Variants in RDH12 observed in about 807,000 individuals in gnomAD.
RDH12 encodes the protein retinol dehydrogenase 12.
Under a neutral mutation model 34.0 loss-of-function variants are expected in RDH12, and 21 were observed. The observed-to-expected ratio is 0.62, with a 90% CI of 0.44 to 0.89. RDH12 has a LOEUF of 0.89. Ranked by LOEUF, RDH12 falls within the 40% of genes least tolerant of loss-of-function variation. The pLI is 0.00. For synonymous variants in RDH12, 198 were observed against 169.9 expected, an observed-to-expected ratio of 1.17 and a Z score of -1.29; for missense variants, 394 against 398.6, an observed-to-expected ratio of 0.99 and a Z score of 0.10.
At chr14:67,704,248 AAGG>A (rs1184170115) in intron 1 of RDH12, among the ~76,000 whole-genome samples, 2 of 152,178 alleles carry the variant, frequency 1.3e-5, no homozygotes, top group Non-Finnish European at 2.9e-5. Context: ...ACGGGGGTAG[AAGG>A]AGGAGGAGCA....
chr14:67,733,747 G>T lies in RDH12; in HGVS notation c.850G>T (p.Asp284Tyr), dbSNP rs2038315586. Residue 284 changes from aspartate (D) to tyrosine (Y), a missense_variant and splice_region_variant, in exon 9 of 9, where the codon GAC becomes TAC. Transcript: ENST00000551171. ...TTACTGTCTTTCTCTGCCCTCCAGT[G>T]ACTGCAAGAGGACCTGGGTGTCTCC... ...LEPLSGKYFS[D>Y]CKRTWVSPRA... is the part of the protein sequence containing the mutation. 6.2e-7 allele frequency: 1 copy of T among 1,609,640 alleles called. No individual in the cohort carries two copies. Among genetic ancestry groups the T allele is most frequent in the Non-Finnish European group, 8.5e-7 (1 of 1,176,298 alleles).
intron 8 of RDH12, among the ~76,000 whole-genome samples, chr14:67,730,992 G>T (rs1802366701): frequency 1.3e-5 from 2 of 152,158 alleles, no homozygotes; most frequent in South Asian, 2.1e-4. Context: ...TGAGATAAAA[G>T]ATATCTCATT....
chr14:67,722,191 T>G (rs2038131527), intron 2 of RDH12, among the ~76,000 whole-genome samples: 1 of 152,194 alleles, frequency 6.6e-6, no homozygotes, highest in African/African-American at 2.4e-5. Context: ...CTTCCCATCC[T>G]ATTTTAATCC....
At chr14:67,728,267 CAAT>C (rs1185031929) in intron 7 of RDH12, 1 of 152,178 alleles carries the variant, frequency 6.6e-6, no homozygotes, top group Admixed American at 6.5e-5. Flanking sequence ...ATAACTATTA[CAAT>C]AATAATTGAG....
chr14:67,724,679 T>A, intron 4 of RDH12, 88 bp downstream of exon 4: 1 of 1,046,128 alleles, frequency 9.6e-7, no homozygotes, highest in African/African-American at 1.6e-5. Context: ...TTGTGTTTCC[T>A]CCTAGGCTTG....
chr14:67,721,186 G>A (rs2038119532), intron 2 of RDH12, among the ~76,000 whole-genome samples: 1 of 152,204 alleles, frequency 6.6e-6, no homozygotes, highest in Non-Finnish European at 1.5e-5. Flanking sequence ...GGAAGGGACA[G>A]AACTGGGAAA....
Position 67,727,021 on chromosome 14 carries a change from G to T in RDH12, c.489G>T (p.Lys163Asn), listed in dbSNP as rs1360235852. Reference protein sequence around the residue: ...LLTYLLLERLKVSAPARVVNV... With the variant: ...LLTYLLLERLNVSAPARVVNV... Reference sequence around the variant, plus strand: ...CCTACCTGCTCCTGGAGCGGCTAAAGGTGTCTGCCCCTGCACGGGTGGTTA... The same window carrying T: ...CCTACCTGCTCCTGGAGCGGCTAAATGTGTCTGCCCCTGCACGGGTGGTTA... The change falls in exon 7 of 9, where the codon AAG becomes AAT. Residue 163 changes from lysine (K) to asparagine (N), a missense_variant. Physicochemically the swap from Lys to Asn is moderately conservative, Grantham distance 94. Coordinates refer to ENST00000551171, the MANE Select transcript of RDH12 (RefSeq NM_152443.3). The T allele has an allele frequency of 1.2e-6, 2 of 1,613,476 alleles. No homozygotes were observed. Among genetic ancestry groups the T allele is most frequent in the African/African-American group, 2.7e-5 (2 of 75,020 alleles).
At chr14:67,712,184 T>C (rs543923148) in intron 1 of RDH12, among the ~76,000 whole-genome samples, 14 of 152,082 alleles carry the variant, frequency 9.2e-5, no homozygotes, top group Admixed American at 2.6e-4. Flanking sequence ...CCTCCCAAAG[T>C]GTTGGGATTA....
chr14:67,726,358 A>T (rs2038185739), intron 6 of RDH12, among the ~76,000 whole-genome samples: 1 of 152,182 alleles, frequency 6.6e-6, no homozygotes, highest in African/African-American at 2.4e-5. Flanking sequence ...ACCATTAAGA[A>T]GCCCCAAATT....
intron 1 of RDH12, chr14:67,714,527 T>C (rs555695419): frequency 1.3e-5 from 2 of 156,440 alleles, no homozygotes; most frequent in South Asian, 3.6e-4. Context: ...AACTGCCGTC[T>C]TCCAGTTATT....
intron 1 of RDH12, chr14:67,715,224 A>AAAC (rs1157020490): frequency 6.6e-6 from 1 of 151,842 alleles, no homozygotes; most frequent in African/African-American, 2.4e-5. Context: ...TAAAAAATAA[A>AAAC]AGGGGGGGAG....
intron 1 of RDH12, 87 bp from the exon 2 acceptor site, chr14:67,720,761 T>A (rs1037123281): frequency 3.9e-5 from 6 of 152,232 alleles, no homozygotes; most frequent in African/African-American, 1.4e-4. Flanking sequence ...CTTTGGATTA[T>A]AATATTTAAC....
chr14:67,722,570 AG>A lies in RDH12; in HGVS notation c.-71del, dbSNP rs1315393412. On this transcript the variant is annotated 5_prime_UTR_variant, in exon 3 of 9. Coordinates refer to ENST00000551171, the MANE Select transcript of RDH12 (RefSeq NM_152443.3). ...AGCAGCCAAGAGCTGGAGCCAGACC[AG>A]GAACCTGAGCCAGAGCTGGGGTTGA... 2.3e-6 allele frequency: 3 copies of A among 1,303,160 alleles called. No individual in the cohort carries two copies. Among genetic ancestry groups the A allele is most frequent in the African/African-American group, 2.9e-5 (2 of 68,954 alleles). 80.7% of individuals were successfully genotyped at this position (1,303,160 alleles called of 1,614,324 possible). A position where few individuals can be genotyped will look rare whatever the true frequency, so the allele number is the denominator to read the frequency against.
rs368934861 is a variant in RDH12, at chr14:67,717,601, C to T, written c.-274-3247C>T. 3.9e-4 allele frequency among the ~76,000 whole-genome samples: 59 copies of T among 152,298 alleles called. 1 individual carries two copies. Among genetic ancestry groups the T allele is most frequent in the African/African-American group, 1.3e-3 (52 of 41,556 alleles). On this transcript the variant is annotated intron_variant, in intron 1 of 8. Transcript: ENST00000551171. Reference sequence around the variant, plus strand: ...ATTCTGGAGGGCAGTGGTTCCCAAACGGGGGTGATTTTGCCCCATAGTGAA... The same window carrying T: ...ATTCTGGAGGGCAGTGGTTCCCAAATGGGGGTGATTTTGCCCCATAGTGAA...
chr14:67,714,898 A>T (rs1003045811), intron 1 of RDH12: 4 of 152,128 alleles, frequency 2.6e-5, no homozygotes, highest in African/African-American at 9.7e-5. Flanking sequence ...CAAGGCATTC[A>T]CTGAATGCCC....
At chr14:67,730,788 G>A (rs1373673128) in intron 8 of RDH12, among the ~76,000 whole-genome samples, 1 of 152,042 alleles carries the variant, frequency 6.6e-6, no homozygotes, top group Non-Finnish European at 1.5e-5. Context: ...ATTTTTAGTC[G>A]AGATGGGCTT....
intron 8 of RDH12, 42 bp downstream of exon 8, chr14:67,729,422 T>C (rs1474701367): frequency 1.3e-6 from 2 of 1,571,890 alleles, no homozygotes; most frequent in East Asian, 4.5e-5. Context: ...CCTGTGTGCA[T>C]GGGAGGTGCC....
In RDH12 at chr14:67,716,977, T is replaced by G. The variant is rs113559350; in HGVS notation, c.-274-3871T>G. Among the ~76,000 whole-genome samples, 522 of 152,302 alleles carry G rather than the reference T, an allele frequency of 3.4e-3. 4 individuals carry two copies. Among genetic ancestry groups the G allele is most frequent in the African/African-American group, 0.012 (504 of 41,558 alleles). On this transcript the variant is annotated intron_variant, in intron 1 of 8. Transcript: ENST00000551171. The stretch of plus-strand genomic sequence containing the variant: ...TACTATACCAGTTTTATCACATATA[T>G]AAAACAAATATAGTGAAATGCCTGT...
Position 67,726,156 on chromosome 14 carries a change from G to C in RDH12, c.448+1G>C, listed in dbSNP as rs781331005. ...ACCCACCTGGGAGTCAACCACCTGG[G>C]TAAGTATCTTTGGGTGACTAAAAAA... On this transcript the variant is annotated splice_donor_variant, in intron 6 of 8. Coordinates refer to ENST00000551171, the MANE Select transcript of RDH12 (RefSeq NM_152443.3). LOFTEE classifies it high-confidence loss of function. 5.7e-6 allele frequency: 9 copies of C among 1,587,962 alleles called. No homozygotes were observed. Among genetic ancestry groups the C allele is most frequent in the Non-Finnish European group, 7.8e-6 (9 of 1,156,346 alleles).
Sources: allele counts gnomAD v4.1 joint callset (sites outside exome capture counted in the v4.1 genomes callset), GRCh38; gene constraint gnomAD v4.1.1; transcripts MANE v1.5; gene names NCBI Gene and HGNC (gene_info 2026-07-23, HGNC 2026-07-21).